Variants in SORCS3 observed in about 807,000 individuals in gnomAD.
SORCS3 encodes sortilin related VPS10 domain containing receptor 3.
A neutral mutation model predicts 146.3 loss-of-function variants in SORCS3; 57 were observed. The ratio of observed to expected loss-of-function variants is 0.39; its 90% CI spans 0.31 to 0.49. The LOEUF (loss-of-function observed/expected upper bound fraction) is 0.49. Ranked by LOEUF, SORCS3 falls within the 20% of genes least tolerant of loss-of-function variation. SORCS3 has a pLI of 0.92. For synonymous variants in SORCS3, 653 were observed against 618.5 expected, an observed-to-expected ratio of 1.06 and a Z score of -0.83; for missense variants, 1,341 against 1,575.5, an observed-to-expected ratio of 0.85 and a Z score of 2.52.
chr10:104,870,424 C>T (rs2018506821), intron 2 of SORCS3, among the ~76,000 whole-genome samples: 1 of 117,714 alleles, frequency 8.5e-6, no homozygotes, highest in Admixed American at 9.7e-5. Context: ...AATGACAGAT[C>T]ATTATTTGTT....
At chr10:105,094,478 C>G (rs2055731997) in intron 6 of SORCS3, among the ~76,000 whole-genome samples, 2 of 152,156 alleles carry the variant, frequency 1.3e-5, no homozygotes, top group South Asian at 4.1e-4. Context: ...TATTCATTCG[C>G]TTACTTATGC....
At chr10:105,228,200 C>T (rs1202996153) in intron 20 of SORCS3, among the ~76,000 whole-genome samples, 1 of 151,658 alleles carries the variant, frequency 6.6e-6, no homozygotes, top group Non-Finnish European at 1.5e-5. Flanking sequence ...TATTGTTTAT[C>T]ATAGTGGTTT....
intron 4 of SORCS3, among the ~76,000 whole-genome samples, 200 bp from the exon 5 acceptor site, chr10:105,042,855 T>C (rs1437640215): frequency 2.0e-5 from 3 of 152,202 alleles, no homozygotes; most frequent in East Asian, 3.9e-4. Flanking sequence ...TATCAGTTGA[T>C]TGGATGTATA....
At chr10:105,118,000 T>C (rs778456523) in intron 7 of SORCS3, among the ~76,000 whole-genome samples, 4 of 152,184 alleles carry the variant, frequency 2.6e-5, no homozygotes, top group African/African-American at 7.2e-5. Flanking sequence ...CCTCTTCCTC[T>C]GCCCACTCTT....
intron 2 of SORCS3, among the ~76,000 whole-genome samples, chr10:104,910,772 C>T (rs1040506826): frequency 5.9e-5 from 9 of 152,334 alleles, no homozygotes; most frequent in Non-Finnish European, 8.8e-5. Flanking sequence ...TGCACACACA[C>T]GTGACAGTGG....
intron 1 of SORCS3, among the ~76,000 whole-genome samples, chr10:104,827,579 G>A (rs1163965578): frequency 6.6e-6 from 1 of 152,168 alleles, no homozygotes; most frequent in Admixed American, 6.5e-5. Flanking sequence ...TAGAACACAA[G>A]CAGAGGAGAT....
At chr10:105,169,128 T>C (rs1471959964) in intron 13 of SORCS3, among the ~76,000 whole-genome samples, 2 of 152,262 alleles carry the variant, frequency 1.3e-5, no homozygotes, top group South Asian at 2.1e-4. Context: ...CACCCACTTA[T>C]AATGGCATCA....
intron 1 of SORCS3, among the ~76,000 whole-genome samples, chr10:104,666,935 G>A (rs2015785472): frequency 6.6e-6 from 1 of 152,110 alleles, no homozygotes; most frequent in South Asian, 2.1e-4. Context: ...GAAAATGGCA[G>A]AGCTGAAAAT....
rs180910809 is a variant in SORCS3, at chr10:105,035,825, G to A, written c.955-7230G>A. ...TGAAAAGTACTTTTTCATTTTTGGT[G>A]CTATAATATTGCCTCTTTCAGGCTT... On this transcript the variant is annotated intron_variant, in intron 4 of 26. Coordinates refer to ENST00000369701, the MANE Select transcript of SORCS3 (RefSeq NM_014978.3). Among the ~76,000 whole-genome samples, 370 of 152,220 alleles carry A rather than the reference G, an allele frequency of 2.4e-3. 3 individuals carry two copies. Among genetic ancestry groups the A allele is most frequent in the Middle Eastern group, 0.01 (3 of 294 alleles).
chr10:105,080,177 C>T (rs11192310), intron 5 of SORCS3, among the ~76,000 whole-genome samples: 3,882 of 152,270 alleles, frequency 0.025, 157 homozygotes, highest in African/African-American at 0.088. Flanking sequence ...CTCATACCAA[C>T]GTGCATAGGT....
chr10:105,078,461 C>T (rs535880743), intron 5 of SORCS3, among the ~76,000 whole-genome samples: 87 of 152,144 alleles, frequency 5.7e-4, no homozygotes, highest in African/African-American at 2.0e-3. Context: ...CTCTTTCTCA[C>T]TCTGTGTCAA....
intron 3 of SORCS3, among the ~76,000 whole-genome samples, chr10:104,973,550 A>G (rs1407271081): frequency 1.3e-5 from 2 of 149,778 alleles, no homozygotes; most frequent in Non-Finnish European, 3.0e-5. Flanking sequence ...TATCCCCTTT[A>G]TCATTTTTTA....
intron 1 of SORCS3, among the ~76,000 whole-genome samples, chr10:104,746,029 A>G (rs1206529234): frequency 6.6e-6 from 1 of 152,062 alleles, no homozygotes; most frequent in East Asian, 1.9e-4. Context: ...GTACATACTT[A>G]TTTGGGGGAA....
chr10:105,245,938 G>T (rs925232527), intron 21 of SORCS3, among the ~76,000 whole-genome samples: 4 of 152,134 alleles, frequency 2.6e-5, no homozygotes, highest in African/African-American at 9.7e-5. Flanking sequence ...CAAATTGAAG[G>T]AAATGCAAGC....
intron 1 of SORCS3, among the ~76,000 whole-genome samples, chr10:104,839,883 A>G (rs2018117530): frequency 6.6e-6 from 1 of 152,162 alleles, no homozygotes; most frequent in African/African-American, 2.4e-5. Flanking sequence ...CCCCCCGGTG[A>G]AGGAGATGGG....
At chr10:105,043,173 T>C in intron 5 of SORCS3, 45 bp downstream of exon 5, 1 of 1,535,140 alleles carries the variant, frequency 6.5e-7, no homozygotes, top group Non-Finnish European at 9.0e-7. Flanking sequence ...TAAAGAATTA[T>C]CAAACAGCGT....
In SORCS3 at chr10:105,231,942, G is replaced by A. The variant is rs1197910585; in HGVS notation, c.2868+8693G>A. ...AGGATTTTTGCATCTTTGTTCCTGA[G>A]AATTATTGATCTTTAGTTTTCCTTT... On this transcript the variant is annotated intron_variant, in intron 20 of 26. Transcript: ENST00000369701. Among the ~76,000 whole-genome samples the A allele has an allele frequency of 2.6e-5, 4 of 152,006 alleles. No homozygotes were observed. The South Asian group carries it at 8.3e-4, about 32-fold the overall frequency.
At chr10:105,231,118 C>T (rs1454909479) in intron 20 of SORCS3, among the ~76,000 whole-genome samples, 1 of 152,218 alleles carries the variant, frequency 6.6e-6, no homozygotes, top group African/African-American at 2.4e-5. Flanking sequence ...TGCCTTGCTT[C>T]CATGTCCTTC....
chr10:104,847,039 G>A (rs1323893506), intron 2 of SORCS3, among the ~76,000 whole-genome samples: 4 of 152,204 alleles, frequency 2.6e-5, no homozygotes, highest in Non-Finnish European at 4.4e-5. Context: ...CCATTGTCAT[G>A]TGGTAGGGTG....
Sources: gnomAD v4.1 joint callset for allele counts (sites outside exome capture counted in the v4.1 genomes callset) on GRCh38, gnomAD v4.1.1 for gene constraint, MANE v1.5 for transcripts, NCBI Gene and HGNC (gene_info 2026-07-23, HGNC 2026-07-21) for gene names.